The following PIK3R6 variants were observed in gnomAD, a reference collection of about 807,000 sequenced individuals.
PIK3R6 encodes the protein phosphoinositide 3-kinase regulatory subunit 6.
In PIK3R6, 91 loss-of-function variants were observed where a neutral mutation model predicts 84.9. That is an observed-to-expected ratio of 1.07 (90% CI 0.90 to 1.28). PIK3R6 has a LOEUF of 1.28. PIK3R6 is among the 50% of genes most tolerant of loss of function. PIK3R6 has a pLI of 0.00. For missense variants in PIK3R6, 996 were observed against 985.1 expected, an observed-to-expected ratio of 1.01 and a Z score of -0.15; for synonymous variants, 416 against 411.4, an observed-to-expected ratio of 1.01 and a Z score of -0.13.
At chr17:8,827,763 G>GAGA (rs1555532361) in intron 12 of PIK3R6, among the ~76,000 whole-genome samples, 1 of 34,836 alleles carries the variant, frequency 2.9e-5, no homozygotes. Flanking sequence ...GAGAGAGAGA[G>GAGA]GAGAGAGAGA....
intron 1 of PIK3R6, among the ~76,000 whole-genome samples, chr17:8,853,498 A>T (rs1243016814): frequency 1.5e-5 from 2 of 137,338 alleles, no homozygotes; most frequent in Admixed American, 1.5e-4. Flanking sequence ...AAAAAAAAAA[A>T]ATAATAATAA....
chr17:8,830,958 A>C (rs113688152), intron 9 of PIK3R6, among the ~76,000 whole-genome samples: 1,540 of 151,902 alleles, frequency 0.01, 13 homozygotes, highest in Middle Eastern at 0.031. Context: ...CCTGGCTAAC[A>C]CGGTGAAACC....
rs762777421 is a variant in PIK3R6, at chr17:8,832,930, A to G, written c.761T>C (p.Ile254Thr). 1 of 1,612,826 alleles carries G rather than the reference A, an allele frequency of 6.2e-7. No homozygotes were observed. The highest frequency in any genetic ancestry group is 8.5e-7 in the Non-Finnish European group (1 of 1,179,712). ...CGCGGGACCCAGCAGCGAGCAGTAA[A>G]TCTCCTCCAGCCTCTCTACGTGTCC... ...REGHVERLEE[I>T]YCSLLGPAAG... The change falls in exon 9 of 20, where the codon ATT (isoleucine) becomes ACT (threonine). Residue 254 changes from isoleucine to threonine, a missense_variant. Physicochemically the swap from Ile to Thr is moderately conservative, Grantham distance 89 (BLOSUM62 -1). Transcript: ENST00000619866.
chr17:8,823,622 A>C, intron 13 of PIK3R6, 125 bp from the exon 14 acceptor site: 1 of 656,444 alleles, frequency 1.5e-6, no homozygotes, highest in Non-Finnish European at 2.8e-6. Context: ...TGCGTCCTTC[A>C]ACACATTCCA....
At chr17:8,827,022 A>C (rs1024588120) in intron 13 of PIK3R6, 150 bp downstream of exon 13, 6 of 867,334 alleles carry the variant, frequency 6.9e-6, no homozygotes, top group Non-Finnish European at 1.0e-5. Context: ...CCTGACTCTT[A>C]AGGTCAAAGG....
At position 8,838,674 on chromosome 17, in the gene PIK3R6, G is replaced by A. The variant is rs1391673008; in HGVS notation, c.98-19C>T. On this transcript the variant is annotated intron_variant, in intron 3 of 19. Transcript: ENST00000619866. ...CACATGCCTGGGCCAGGAGAAAGGGGAGCCCGGCATGAGCAGGTGGGCAGT... is the reference window on the plus strand; with the variant it reads ...CACATGCCTGGGCCAGGAGAAAGGGAAGCCCGGCATGAGCAGGTGGGCAGT... 1 of 1,576,198 alleles carries A rather than the reference G, an allele frequency of 6.3e-7. No homozygotes were observed. The highest frequency in any genetic ancestry group is 8.6e-7 in the Non-Finnish European group (1 of 1,160,776).
chr17:8,803,578 A>G lies in PIK3R6; in HGVS notation c.2109-149T>C. On this transcript the variant is annotated intron_variant, in intron 19 of 19. Transcript: ENST00000619866. The surrounding 1 kb of genome is among the most constrained non-coding windows in gnomAD (Gnocchi z 5.0). ...CTACACAGAAGAAAGAGGAAGAGTC[A>G]GGACAAGAAAGAAAAACCTGGGCCT... 1.3e-6 allele frequency: 1 copy of G among 795,772 alleles called. No homozygotes were observed. The highest frequency in any genetic ancestry group is 1.9e-6 in the Non-Finnish European group (1 of 527,616). The allele number at this position is 795,772 out of a possible 1,614,324, so 49.3% of individuals were successfully genotyped here.
chr17:8,835,279 C>A lies in PIK3R6; in HGVS notation c.639G>T (p.Lys213Asn). The A allele has an allele frequency of 1.3e-6, 2 of 1,551,086 alleles. No individual in the cohort carries two copies. The highest frequency in any genetic ancestry group is 2.3e-5 in the East Asian group (1 of 43,800). Residue 213 changes from lysine (K) to asparagine (N), a missense_variant, in exon 8 of 20, where the codon AAG becomes AAT. Lys to Asn is a moderately conservative substitution (Grantham distance 94). Coordinates refer to ENST00000619866, the MANE Select transcript of PIK3R6 (RefSeq NM_001010855.4). ...CTGCAGGCAGGGCCATTACCTGCAGCTTCCTGTGCAGAGCGCCTGCGTGAC... is the reference window on the plus strand; with the variant it reads ...CTGCAGGCAGGGCCATTACCTGCAGATTCCTGTGCAGAGCGCCTGCGTGAC... ...EACHAGALHR[K>N]LQASPRRTLE...
At chr17:8,826,432 G>A (rs911169074) in intron 13 of PIK3R6, among the ~76,000 whole-genome samples, 2 of 152,114 alleles carry the variant, frequency 1.3e-5, no homozygotes, top group Admixed American at 1.3e-4. Context: ...ATACACCATG[G>A]AATACTATGC....
At chr17:8,846,253 C>G (rs2088812878) in intron 2 of PIK3R6, among the ~76,000 whole-genome samples, 1 of 152,174 alleles carries the variant, frequency 6.6e-6, no homozygotes, top group East Asian at 1.9e-4. Flanking sequence ...TCAACTTTGT[C>G]AAAGATCAGG....
intron 10 of PIK3R6, among the ~76,000 whole-genome samples, 174 bp from the exon 11 acceptor site, chr17:8,829,164 CAT>C (rs1254277277): frequency 9.2e-5 from 14 of 151,708 alleles, no homozygotes; most frequent in Non-Finnish European, 1.6e-4. Flanking sequence ...GATGCACACA[CAT>C]ACACATGTAC....
intron 1 of PIK3R6, among the ~76,000 whole-genome samples, chr17:8,856,294 T>A (rs146692715): frequency 3.2e-4 from 49 of 152,146 alleles, no homozygotes; most frequent in Admixed American, 1.2e-3. Flanking sequence ...TTGCAAACAA[T>A]GTTACTGTAT....
chr17:8,812,537 T>C (rs990531790), intron 18 of PIK3R6, among the ~76,000 whole-genome samples: 11 of 152,174 alleles, frequency 7.2e-5, no homozygotes, highest in African/African-American at 2.7e-4. Context: ...TTTAAAAACC[T>C]GAAGTCATAT....
chr17:8,861,712 T>C (rs1260152294), intron 1 of PIK3R6, among the ~76,000 whole-genome samples: 1 of 152,162 alleles, frequency 6.6e-6, no homozygotes, highest in Non-Finnish European at 1.5e-5. Flanking sequence ...TACTTACTCA[T>C]GGCCCCAAGT....
At chr17:8,804,747 C>T (rs1480371139) in intron 18 of PIK3R6, among the ~76,000 whole-genome samples, 2 of 152,094 alleles carry the variant, frequency 1.3e-5, no homozygotes, top group Admixed American at 6.6e-5. Context: ...ATTGTGGGTT[C>T]CAGGTGGAGC....
intron 18 of PIK3R6, among the ~76,000 whole-genome samples, chr17:8,817,559 T>C (rs1405887920): frequency 6.6e-6 from 1 of 152,150 alleles, no homozygotes; most frequent in Admixed American, 6.5e-5. Context: ...GGAGAATCAC[T>C]TGAACCAGGG....
intron 1 of PIK3R6, among the ~76,000 whole-genome samples, chr17:8,864,772 C>T (rs983490309): frequency 5.9e-5 from 9 of 152,112 alleles, no homozygotes; most frequent in South Asian, 2.1e-4. Flanking sequence ...CTCTTGACCT[C>T]GTGATCCACC....
At chr17:8,853,452 T>C (rs2089032081) in intron 1 of PIK3R6, among the ~76,000 whole-genome samples, 1 of 139,328 alleles carries the variant, frequency 7.2e-6, no homozygotes, top group African/African-American at 2.7e-5. Context: ...GCCACTGCAC[T>C]CCAGCCTGGG....
At chr17:8,836,750 G>C in intron 6 of PIK3R6, 41 bp downstream of exon 6, 1 of 1,610,834 alleles carries the variant, frequency 6.2e-7, no homozygotes, top group Non-Finnish European at 8.5e-7. Context: ...GGCAATGTTG[G>C]AGGTGCAGCG....
Sources: gnomAD v4.1 joint callset for allele counts (sites outside exome capture counted in the v4.1 genomes callset) on GRCh38, gnomAD v4.1.1 for gene constraint, Gnocchi (gnomAD v3.1) non-coding constraint, MANE v1.5 for transcripts, NCBI Gene and HGNC (gene_info 2026-07-23, HGNC 2026-07-21) for gene names.